The following CERS3 variants were observed in gnomAD, a reference collection of about 807,000 sequenced individuals.
CERS3 encodes the protein LAG1 homolog, ceramide synthase 3.
Under a neutral mutation model 50.3 loss-of-function variants are expected in CERS3, and 33 were observed. The ratio of observed to expected loss-of-function variants is 0.66; its 90% CI spans 0.50 to 0.88. The LOEUF (loss-of-function observed/expected upper bound fraction) is 0.88, where lower values mean the gene tolerates loss of function less well. Ranked by LOEUF, CERS3 falls within the 40% of genes least tolerant of loss-of-function variation. CERS3 has a pLI of 0.00. For synonymous variants in CERS3, 176 were observed against 155.2 expected (o/e 1.13, Z -0.99); for missense variants, 470 against 460.3 (o/e 1.02, Z -0.19).
chr15:100,442,116 A>G (rs561931671), intron 11 of CERS3, among the ~76,000 whole-genome samples: 19 of 152,314 alleles, frequency 1.2e-4, no homozygotes, highest in Non-Finnish European at 7.3e-5. Flanking sequence ...AGCTAAAGGC[A>G]TAGTCAAGGT....
chr15:100,533,193 TC>T (rs1183114802), upstream of CERS3, among the ~76,000 whole-genome samples: 6 of 152,256 alleles, frequency 3.9e-5, no homozygotes, highest in South Asian at 1.2e-3. Context: ...CCTGGGGGCC[TC>T]CCTCCCTACA....
chr15:100,458,984 T>C (rs1441741548), intron 10 of CERS3, among the ~76,000 whole-genome samples: 1 of 152,236 alleles, frequency 6.6e-6, no homozygotes, highest in African/African-American at 2.4e-5. Flanking sequence ...TTGCAACTAC[T>C]CAATTCAGCC....
At chr15:100,440,522 T>A (rs1045422246) in intron 11 of CERS3, among the ~76,000 whole-genome samples, 7 of 152,228 alleles carry the variant, frequency 4.6e-5, no homozygotes. Context: ...CTATTCGGAC[T>A]CAGCCTGCCT....
chr15:100,468,504 AG>A (rs2034858598), intron 10 of CERS3, among the ~76,000 whole-genome samples: 1 of 152,338 alleles, frequency 6.6e-6, no homozygotes, highest in Admixed American at 6.5e-5. Flanking sequence ...ATGCCAGCCA[AG>A]GGTGCTGTCT....
At chr15:100,415,846 G>A (rs1016559827) in intron 11 of CERS3, among the ~76,000 whole-genome samples, 1 of 151,972 alleles carries the variant, frequency 6.6e-6, no homozygotes, top group Non-Finnish European at 1.5e-5. Context: ...AATGTATGTG[G>A]GGCTTAAAAC....
intron 11 of CERS3, among the ~76,000 whole-genome samples, chr15:100,412,549 G>A (rs2031572212): frequency 6.6e-6 from 1 of 152,154 alleles, no homozygotes; most frequent in Non-Finnish European, 1.5e-5. Context: ...TTTAAGTCCT[G>A]TGAAGTTTGA....
At chr15:100,466,259 C>T (rs2034711652) in intron 10 of CERS3, among the ~76,000 whole-genome samples, 1 of 122,072 alleles carries the variant, frequency 8.2e-6, no homozygotes, top group South Asian at 2.6e-4. Context: ...AGTAAGCTTG[C>T]TTGTTTATTT....
At chr15:100,419,967 C>T (rs553580275) in intron 11 of CERS3, among the ~76,000 whole-genome samples, 15 of 147,760 alleles carry the variant, frequency 1.0e-4, no homozygotes, top group African/African-American at 3.0e-4. Context: ...TAAATGCCCA[C>T]AAGAGAAAGC....
rs1596721734 is a variant in CERS3 at position 100,472,843 on chromosome 15, T to C, written c.738+81A>G. 8 of 1,533,382 alleles carry C rather than the reference T, an allele frequency of 5.2e-6. No individual in the cohort carries two copies. In the East Asian group the frequency reaches 1.4e-4, roughly 26 times the overall value. The allele number at this position is 1,533,382 out of a possible 1,614,324, so 95.0% of individuals were successfully genotyped here. A position where few individuals can be genotyped will look rare whatever the true frequency, so the allele number is the denominator to read the frequency against. On this transcript the variant is annotated intron_variant, in intron 9 of 11. Coordinates refer to ENST00000679737, the MANE Select transcript of CERS3 (RefSeq NM_001378789.1). ...TTTCAGGACACAGAGCTCTGCTAAA[T>C]TGCTCACAATTACTTCTGTGAGCAG... is the stretch of plus-strand genomic sequence containing the variant.
intron 9 of CERS3, 109 bp from the exon 10 acceptor site, chr15:100,469,593 G>C (rs992026536): frequency 2.6e-6 from 2 of 760,068 alleles, no homozygotes; most frequent in African/African-American, 3.5e-5. Context: ...AAACAATCTG[G>C]GTGGAAAGTA....
intron 11 of CERS3, among the ~76,000 whole-genome samples, chr15:100,443,308 A>G (rs956868434): frequency 2.6e-5 from 4 of 151,056 alleles, no homozygotes; most frequent in African/African-American, 9.7e-5. Flanking sequence ...CTTTGAAAAG[A>G]CTAAAGCCTG....
intron 11 of CERS3, among the ~76,000 whole-genome samples, chr15:100,420,504 C>A (rs909848134): frequency 6.6e-6 from 1 of 152,122 alleles, no homozygotes; most frequent in South Asian, 2.1e-4. Flanking sequence ...ACCAGAGGTA[C>A]AAGGAGGAAC....
At chr15:100,433,103 G>A (rs1345469661) in intron 11 of CERS3, among the ~76,000 whole-genome samples, 1 of 152,020 alleles carries the variant, frequency 6.6e-6, no homozygotes. Context: ...AGGTGTGGTG[G>A]CGGGTACCTG....
chr15:100,442,129 ACGC>A (rs1185935430), intron 11 of CERS3, among the ~76,000 whole-genome samples: 1 of 152,132 alleles, frequency 6.6e-6, no homozygotes, highest in South Asian at 2.1e-4. Flanking sequence ...GTCAAGGTTA[ACGC>A]TCCTTTTTCT....
chr15:100,423,542 C>A (rs1162268460), intron 11 of CERS3, among the ~76,000 whole-genome samples: 10 of 152,134 alleles, frequency 6.6e-5, no homozygotes, highest in Admixed American at 2.0e-4. Flanking sequence ...ACTGTATGTT[C>A]TCACTTACAA....
At chr15:100,448,349 A>G (rs1266055544) in intron 11 of CERS3, among the ~76,000 whole-genome samples, 2 of 152,198 alleles carry the variant, frequency 1.3e-5, no homozygotes, top group East Asian at 1.9e-4. Context: ...AGGAAAGGGA[A>G]GCCAAGACCG....
At chr15:100,415,666 C>A (rs1319869872) in intron 11 of CERS3, among the ~76,000 whole-genome samples, 1 of 152,138 alleles carries the variant, frequency 6.6e-6, no homozygotes, top group Non-Finnish European at 1.5e-5. Flanking sequence ...TGGAAGCCAT[C>A]ATCCTCAGCA....
At chr15:100,499,157 CCTT>C (rs1388500610) in intron 3 of CERS3, among the ~76,000 whole-genome samples, 4 of 152,108 alleles carry the variant, frequency 2.6e-5, no homozygotes, top group African/African-American at 9.7e-5. Flanking sequence ...AAAAATGTGT[CCTT>C]CTGATTTTAC....
chr15:100,507,192 A>G (rs1374893727), intron 2 of CERS3, among the ~76,000 whole-genome samples: 1 of 152,212 alleles, frequency 6.6e-6, no homozygotes, highest in African/African-American at 2.4e-5. Context: ...TTTAAATTTT[A>G]TGACTTTATG....
Sources: allele counts gnomAD v4.1 joint callset (sites outside exome capture counted in the v4.1 genomes callset), GRCh38; gene constraint gnomAD v4.1.1; transcripts MANE v1.5; gene names NCBI Gene and HGNC (gene_info 2026-07-23, HGNC 2026-07-21).